CARHSP1: variants seen among roughly 807,000 people sequenced by gnomAD.
The protein encoded by CARHSP1 is calcium regulated heat stable protein 1, also known as calcium-regulated heat-stable protein 1.
In CARHSP1, 14 loss-of-function variants were observed where a neutral mutation model predicts 12.5. The ratio of observed to expected loss-of-function variants is 1.12; its 90% CI spans 0.74 to 1.75. The LOEUF is 1.75. Ranked by LOEUF, CARHSP1 falls within the 40% of genes most tolerant of loss-of-function variation. The pLI, the probability that CARHSP1 is intolerant of heterozygous loss-of-function variation, is 0.00. For synonymous variants in CARHSP1, 161 were observed against 82.0 expected (o/e 1.96, Z -5.20); for missense variants, 343 against 201.6 (o/e 1.70, Z -4.25).
At position 8,854,870 on chromosome 16, in the gene CARHSP1, G is replaced by A; in HGVS notation, c.*294C>T. 1 of 261,052 alleles carries A rather than the reference G, an allele frequency of 3.8e-6. No individual in the cohort carries two copies. The highest frequency in any genetic ancestry group is 7.2e-6 in the Non-Finnish European group (1 of 138,454). The allele number at this position is 261,052 out of a possible 1,614,324, so 16.2% of individuals were successfully genotyped here. A position where few individuals can be genotyped will look rare whatever the true frequency, so the allele number is the denominator to read the frequency against. ...AAATACCACCCTTGATCCACTCCCT[G>A]GGATGGGGTTGGAACCTCCACTCAG... On this transcript the variant is annotated 3_prime_UTR_variant, in exon 4 of 4. Coordinates refer to ENST00000311052, the MANE Select transcript of CARHSP1 (RefSeq NM_014316.4).
rs140486313 is a variant in CARHSP1 at position 8,858,032 on chromosome 16, G to T, written c.281+318C>A. The T allele has an allele frequency of 3.4e-3, 962 of 286,326 alleles. 2 individuals carry two copies. Among genetic ancestry groups the T allele is most frequent in the Middle Eastern group, 7.4e-3 (6 of 814 alleles). 17.7% of individuals were successfully genotyped at this position (286,326 alleles called of 1,614,324 possible). Reference sequence around the variant, plus strand: ...CCCACCTCGGCCTCCCAAAGTGCTGGGATTACAGGCGTGAGCCACCACGCC... The same window carrying T: ...CCCACCTCGGCCTCCCAAAGTGCTGTGATTACAGGCGTGAGCCACCACGCC... On this transcript the variant is annotated intron_variant, in intron 3 of 3. Transcript: ENST00000311052.
At chr16:8,859,026 TCA>T in intron 2 of CARHSP1, 143 bp downstream of exon 2, 2 of 690,882 alleles carry the variant, frequency 2.9e-6, no homozygotes, top group South Asian at 5.2e-5. Context: ...TCCTAGTTTC[TCA>T]CCCTCAGCCC....
rs1453598574 is a variant in CARHSP1 at position 8,853,993 on chromosome 16, G to C, written c.*1171C>G. ...CCCAGCTACTCAGGAGACTGAGGCG[G>C]AATTGCCAGAACCCTGGAGGGCAGA... On this transcript the variant is annotated 3_prime_UTR_variant, in exon 4 of 4. Coordinates refer to ENST00000311052, the MANE Select transcript of CARHSP1 (RefSeq NM_014316.4). 1 of 152,186 alleles carries C rather than the reference G, an allele frequency of 6.6e-6. No individual in the cohort carries two copies. The highest frequency in any genetic ancestry group is 2.4e-5 in the African/African-American group (1 of 41,434). The allele number at this position is 152,186 out of a possible 1,614,324, so 9.4% of individuals were successfully genotyped here. A position where few individuals can be genotyped will look rare whatever the true frequency, so the allele number is the denominator to read the frequency against.
chr16:8,859,536 C>T (rs533146945), intron 1 of CARHSP1, among the ~76,000 whole-genome samples: 2 of 151,784 alleles, frequency 1.3e-5, no homozygotes, highest in Non-Finnish European at 2.9e-5. Flanking sequence ...GGGGCCCCCT[C>T]GATCATAGCT....
chr16:8,863,112 C>CTTT (rs71155412), intron 1 of CARHSP1, among the ~76,000 whole-genome samples: 1,111 of 74,118 alleles, frequency 0.015, 111 homozygotes, highest in Non-Finnish European at 0.017. Flanking sequence ...ACAAGGATGG[C>CTTT]TTTTTTTTTT....
At chr16:8,859,386 C>G in intron 1 of CARHSP1, 51 bp from the exon 2 acceptor site, 2 of 1,504,126 alleles carry the variant, frequency 1.3e-6, no homozygotes, top group Non-Finnish European at 9.0e-7. Context: ...GGTAGGGACC[C>G]TGTGCTTACC....
In CARHSP1 at chr16:8,854,994, C is replaced by G; in HGVS notation, c.*170G>C. On this transcript the variant is annotated 3_prime_UTR_variant, in exon 4 of 4. Transcript: ENST00000311052. The stretch of plus-strand genomic sequence containing the variant: ...TAGGCTGTGCTGATGGCCGGGAACA[C>G]CCCACACCCCACACCTGCCCCCCAT... 1 of 502,036 alleles carries G rather than the reference C, an allele frequency of 2.0e-6. No homozygotes were observed. Among genetic ancestry groups the G allele is most frequent in the Non-Finnish European group, 3.5e-6 (1 of 289,806 alleles). The allele number at this position is 502,036 out of a possible 1,614,324, so 31.1% of individuals were successfully genotyped here. A position where few individuals can be genotyped will look rare whatever the true frequency, so the allele number is the denominator to read the frequency against.
intron 2 of CARHSP1, chr16:8,858,747 CA>C: frequency 2.1e-6 from 1 of 480,762 alleles, no homozygotes. Context: ...AACATCCCTC[CA>C]GAAACTAATG....
At chr16:8,857,525 C>A (rs915629167) in intron 3 of CARHSP1, 1 of 134,992 alleles carries the variant, frequency 7.4e-6, no homozygotes, top group Non-Finnish European at 1.5e-5. Context: ...GTCCTGACCT[C>A]AGGTGATCCG....
rs746087782 is a variant in CARHSP1, at chr16:8,858,477, CAG to C, written c.159-7_159-6del. The C allele has an allele frequency of 1.8e-4, 298 of 1,613,182 alleles. 1 individual carries two copies. Among genetic ancestry groups the C allele is most frequent in the East Asian group, 9.6e-4 (43 of 44,870 alleles). ...CCCTGTGAAGCCCGCACCGTCCTGA[CAG>C]AGAGGGGGAAATGTCAGGGGCCCCA... On this transcript the variant is annotated splice_region_variant and splice_polypyrimidine_tract_variant and intron_variant, in intron 2 of 3. Coordinates refer to ENST00000311052, the MANE Select transcript of CARHSP1 (RefSeq NM_014316.4).
intron 3 of CARHSP1, chr16:8,857,423 C>G (rs1419541701): frequency 6.8e-6 from 1 of 147,702 alleles, no homozygotes; most frequent in African/African-American, 2.5e-5. Context: ...GCTGGGATTA[C>G]AGGCACCCGC....
chr16:8,857,022 C>T (rs1190736082), intron 3 of CARHSP1, among the ~76,000 whole-genome samples: 1 of 152,138 alleles, frequency 6.6e-6, no homozygotes, highest in East Asian at 1.9e-4. Flanking sequence ...CCAGCCTCAC[C>T]AGTCCACCTC....
Position 8,854,289 on chromosome 16 carries a change from C to CT in CARHSP1, c.*874dup, listed in dbSNP as rs1255937087. 7.2e-5 allele frequency: 11 copies of CT among 152,342 alleles called. No homozygotes were observed. The East Asian group carries it at 2.1e-3, about 29-fold the overall frequency. 9.4% of individuals were successfully genotyped at this position (152,342 alleles called of 1,614,324 possible). On this transcript the variant is annotated 3_prime_UTR_variant, in exon 4 of 4. Transcript: ENST00000311052. ...GCTGTCAGGATGCAAGCTACCTACT[C>CT]TTTTCTGGATGGATCGGGACAAAGT...
At chr16:8,865,762 T>C (rs2061444295) in intron 1 of CARHSP1, among the ~76,000 whole-genome samples, 1 of 152,194 alleles carries the variant, frequency 6.6e-6, no homozygotes, top group African/African-American at 2.4e-5. Flanking sequence ...AAACATCAAC[T>C]ACATGCACGT....
rs187723808 is a variant in CARHSP1 at position 8,863,172 on chromosome 16, T to C, written c.-7-3837A>G. On this transcript the variant is annotated intron_variant, in intron 1 of 3. Transcript: ENST00000311052. The stretch of plus-strand genomic sequence containing the variant: ...TCTCACTTGGTCACCTAGGCTGGAA[T>C]GCAGTGGCGCGATCATGGCTCACTG... Among the ~76,000 whole-genome samples, 3 of 129,958 alleles carry C rather than the reference T, an allele frequency of 2.3e-5. No individual in the cohort carries two copies. The East Asian group carries it at 7.3e-4, about 32-fold the overall frequency. 85.3% of individuals were successfully genotyped at this position (129,958 alleles called of 152,430 possible).
At position 8,858,376 on chromosome 16, in the gene CARHSP1, G is replaced by GC. The variant is rs2141092244; in HGVS notation, c.254dup (p.Asp87ArgfsTer8). On this transcript the variant is annotated frameshift_variant, in exon 3 of 4. Transcript: ENST00000311052. LOFTEE classifies it high-confidence loss of function. The stretch of plus-strand genomic sequence containing the variant: ...CAGAGATGTGCAGGAAGATGTCGGG[G>GC]CCGCCATCAGCTGGAGTAATGAAGC... 1.9e-6 allele frequency: 3 copies of GC among 1,613,950 alleles called. No individual in the cohort carries two copies. The East Asian group carries it at 6.7e-5, about 36-fold the overall frequency.
In CARHSP1 at chr16:8,857,263, G is replaced by GTTTTTTTTTTTTT. The variant is rs756390920; in HGVS notation, c.281+1074_281+1086dup. 6.7e-4 allele frequency among the ~76,000 whole-genome samples: 38 copies of GTTTTTTTTTTTTT among 57,022 alleles called. 3 individuals are homozygous for GTTTTTTTTTTTTT. Among genetic ancestry groups the GTTTTTTTTTTTTT allele is most frequent in the African/African-American group, 7.8e-4 (14 of 17,912 alleles). 37.4% of individuals were successfully genotyped at this position (57,022 alleles called of 152,430 possible). On this transcript the variant is annotated intron_variant, in intron 3 of 3. Transcript: ENST00000311052. The stretch of plus-strand genomic sequence containing the variant: ...TGGCTATGTGATCTTGGGCAGATCT[G>GTTTTTTTTTTTTT]TTTTTTTTTTTTTTTTTTTTTTTTT...
chr16:8,866,977 G>A (rs1241554571), intron 1 of CARHSP1, among the ~76,000 whole-genome samples: 1 of 152,116 alleles, frequency 6.6e-6, no homozygotes, highest in African/African-American at 2.4e-5. Context: ...GGAGTGTACC[G>A]GGAACCCAAG....
At chr16:8,863,112 C>CTTTTTT (rs71155412) in intron 1 of CARHSP1, among the ~76,000 whole-genome samples, 19 of 74,124 alleles carry the variant, frequency 2.6e-4, no homozygotes, top group Non-Finnish European at 3.7e-4. Context: ...ACAAGGATGG[C>CTTTTTT]TTTTTTTTTT....
Sources: gnomAD v4.1 joint callset for allele counts (sites outside exome capture counted in the v4.1 genomes callset) on GRCh38, gnomAD v4.1.1 for gene constraint, MANE v1.5 for transcripts, NCBI Gene and HGNC (gene_info 2026-07-23, HGNC 2026-07-21) for gene names.